Variants in STAG3 observed in about 807,000 individuals in gnomAD.
STAG3 encodes cohesin subunit SA-3.
A neutral mutation model predicts 160.7 loss-of-function variants in STAG3; 101 were observed. The observed-to-expected ratio is 0.63, with a 90% CI of 0.54 to 0.74. The LOEUF (loss-of-function observed/expected upper bound fraction) is 0.74, where lower values mean the gene tolerates loss of function less well. Among genes scored for constraint, STAG3 ranks in the 30% least tolerant of loss-of-function variants. The probability of loss-of-function intolerance (pLI) is 0.00; values close to 1 mark genes in which losing one functional copy is unlikely to be tolerated. For synonymous variants in STAG3, 519 were observed against 585.0 expected (o/e 0.89, Z 1.63); for missense variants, 1,188 against 1,517.4 (o/e 0.78, Z 3.61).
In STAG3 at chr7:100,195,327, G is replaced by C. The variant is rs1332852797; in HGVS notation, c.886G>C (p.Glu296Gln). The C allele has an allele frequency of 1.9e-6, 3 of 1,614,040 alleles. No homozygotes were observed. Among genetic ancestry groups the C allele is most frequent in the Non-Finnish European group, 2.5e-6 (3 of 1,180,010 alleles). ...CCTCCAGCTCCAAGAGCATCAAGAG[G>C]AGATTGAGGGGATGATGAATGCCCT... ...KRKELQEHQE[E>Q]IEGMMNALFR... The change falls in exon 9 of 34, where the codon GAG becomes CAG. Residue 296 changes from glutamate (E) to glutamine (Q), a missense_variant. Coordinates refer to ENST00000615138, the MANE Select transcript of STAG3 (RefSeq NM_001282717.2).
chr7:100,201,229 T>G, intron 20 of STAG3, 35 bp from the exon 21 acceptor site: 1 of 1,613,872 alleles, frequency 6.2e-7, no homozygotes. Flanking sequence ...CCCTCTGTTC[T>G]TTTCCAGTAT....
Position 100,186,433 on chromosome 7 carries a change from T to C in STAG3, c.433+137T>C, listed in dbSNP as rs557738663. 3.9e-4 allele frequency: 317 copies of C among 817,966 alleles called. 1 individual carries two copies. In the South Asian group the frequency reaches 5.2e-3, roughly 13 times the overall value. The allele number at this position is 817,966 out of a possible 1,614,324, so 50.7% of individuals were successfully genotyped here. A position where few individuals can be genotyped will look rare whatever the true frequency, so the allele number is the denominator to read the frequency against. ...TAAAGCATTAGAAAAATTTTACTTATTTAGGCCGGGCACTGTGACTCACAC... is the reference window on the plus strand; with the variant it reads ...TAAAGCATTAGAAAAATTTTACTTACTTAGGCCGGGCACTGTGACTCACAC... On this transcript the variant is annotated intron_variant, in intron 5 of 33. Coordinates refer to ENST00000615138, the MANE Select transcript of STAG3 (RefSeq NM_001282717.2).
At position 100,199,627 on chromosome 7, in the gene STAG3, C is replaced by A; in HGVS notation, c.1660C>A (p.Arg554=). The change falls in exon 16 of 34, where the codon CGG becomes AGG. Residue 554 remains arginine, a synonymous_variant. Coordinates refer to ENST00000615138, the MANE Select transcript of STAG3 (RefSeq NM_001282717.2). The part of the protein sequence containing the change: ...QASEGHPPVG[R]VTGRKGLTSK... ...TTCAGAGGGGCACCCGCCTGTGGGC[C>A]GGGTCACTGGGAGGAAGGTATGGTG... 1 of 1,597,702 alleles carries A rather than the reference C, an allele frequency of 6.3e-7. No homozygotes were observed. Among genetic ancestry groups the A allele is most frequent in the South Asian group, 1.1e-5 (1 of 87,654 alleles).
chr7:100,182,646 T>C (rs965371476), intron 3 of STAG3, 77 bp from the exon 4 acceptor site: 2 of 1,500,820 alleles, frequency 1.3e-6, no homozygotes, highest in African/African-American at 1.4e-5. Flanking sequence ...TGTGTGATAA[T>C]GATGAAACCA....
chr7:100,185,195 C>T (rs1036163259), intron 4 of STAG3, among the ~76,000 whole-genome samples: 1 of 152,178 alleles, frequency 6.6e-6, no homozygotes, highest in African/African-American at 2.4e-5. Context: ...TAGGCATGTG[C>T]CACCATGCCT....
intron 23 of STAG3, 47 bp downstream of exon 23, chr7:100,202,088 C>T: frequency 6.2e-7 from 1 of 1,611,076 alleles, no homozygotes. Context: ...ATCCCTGCCC[C>T]CATTCCAAGG....
At chr7:100,182,013 A>G in intron 2 of STAG3, 77 bp from the exon 3 acceptor site, 2 of 1,087,462 alleles carry the variant, frequency 1.8e-6, no homozygotes, top group Non-Finnish European at 2.8e-6. Context: ...TGAGAGACAG[A>G]GAAACCATAA....
downstream of STAG3, chr7:100,218,767 C>G (rs1439344271): frequency 3.6e-6 from 1 of 281,012 alleles, no homozygotes. Context: ...CACACATAGA[C>G]ATCGTGAGGT....
Position 100,189,662 on chromosome 7 carries a change from C to T in STAG3, c.867+66C>T, listed in dbSNP as rs1419186790. 6 of 1,545,454 alleles carry T rather than the reference C, an allele frequency of 3.9e-6. No individual in the cohort carries two copies. In the African/African-American group the frequency reaches 8.3e-5, roughly 21 times the overall value. ...CTTGCACCCACTTCTGCCACAGACC[C>T]CCTTATCAGGCCCTGGGCAGTCTTT... On this transcript the variant is annotated intron_variant, in intron 8 of 33. Transcript: ENST00000615138.
In STAG3 at chr7:100,207,899, G is replaced by A. The variant is rs1046776300; in HGVS notation, c.3238+2515G>A. ...TGGGAGGCCGAGGCGGGCGGATCAC[G>A]AGGTCAGGAGATTGAGACCATCCTG... On this transcript the variant is annotated intron_variant, in intron 29 of 33. Transcript: ENST00000615138. The surrounding 1 kb of genome is among the most constrained non-coding windows in gnomAD (Gnocchi z 4.0). Among the ~76,000 whole-genome samples the A allele has an allele frequency of 6.6e-6, 1 of 152,054 alleles. No homozygotes were observed.
intron 4 of STAG3, among the ~76,000 whole-genome samples, chr7:100,183,451 A>AT (rs1799781449): frequency 6.6e-6 from 1 of 152,122 alleles, no homozygotes; most frequent in Non-Finnish European, 1.5e-5. Context: ...CACCCATGTT[A>AT]TTTTTTAGCT....
chr7:100,200,455 C>T lies in STAG3; in HGVS notation c.1773C>T (p.Phe591=), dbSNP rs201134416. ...IPLLPQLLAK[F]SADAEKVTPL... The stretch of plus-strand genomic sequence containing the variant: ...GGCCTCCCTGTCAATCATCACAGTT[C>T]TCAGCTGATGCAGAGAAGGTCACTC... The change falls in exon 18 of 34, where the codon TTC becomes TTT. Residue 591 remains phenylalanine, a splice_region_variant and synonymous_variant. Transcript: ENST00000615138. 2 of 1,614,088 alleles carry T rather than the reference C, an allele frequency of 1.2e-6. No individual in the cohort carries two copies. The highest frequency in any genetic ancestry group is 1.7e-6 in the Non-Finnish European group (2 of 1,180,004).
Position 100,205,326 on chromosome 7 carries a change from G to A in STAG3, c.3180G>A (p.Glu1060=). The A allele has an allele frequency of 1.2e-6, 2 of 1,614,206 alleles. No homozygotes were observed. Among genetic ancestry groups the A allele is most frequent in the South Asian group, 1.1e-5 (1 of 91,084 alleles). The change falls in exon 29 of 34, where the codon GAG becomes GAA. Residue 1060 remains glutamate, a synonymous_variant. Coordinates refer to ENST00000615138, the MANE Select transcript of STAG3 (RefSeq NM_001282717.2). ...ACTGCCACTCCCTCAGCCCTGTGGA[G>A]AACACAGCAGAGACCAGCCCTCAGG... The part of the protein sequence containing the change: ...TTYCHSLSPV[E]NTAETSPQVL...
chr7:100,192,109 C>T (rs2117189548), intron 8 of STAG3, among the ~76,000 whole-genome samples: 1 of 152,366 alleles, frequency 6.6e-6, no homozygotes, highest in East Asian at 1.9e-4. Context: ...TAGTTTACTT[C>T]CTCTACTGAA....
rs375587167 is a variant in STAG3, at chr7:100,205,301, A to G, written c.3155A>G (p.Tyr1052Cys). The change falls in exon 29 of 34, where the codon TAC becomes TGC. Residue 1052 changes from tyrosine (Y) to cysteine (C), a missense_variant. By Grantham distance (194) the Tyr-to-Cys change is radical (BLOSUM62 -2). This residue lies in a region of STAG3 where 647 missense variants were observed against 717.2 expected (regional missense o/e 0.90). Coordinates refer to ENST00000615138, the MANE Select transcript of STAG3 (RefSeq NM_001282717.2). The part of the protein sequence containing the change: ...PGHPWGPVTT[Y>C]CHSLSPVENT... ...CATCCCTGGGGCCCAGTCACCACCT[A>G]CTGCCACTCCCTCAGCCCTGTGGAG... 16 of 1,613,924 alleles carry G rather than the reference A, an allele frequency of 9.9e-6. No individual in the cohort carries two copies. The highest frequency in any genetic ancestry group is 1.7e-5 in the Admixed American group (1 of 59,974).
chr7:100,198,453 C>T (rs762894932), intron 12 of STAG3, 22 bp from the exon 13 acceptor site: 81 of 1,612,902 alleles, frequency 5.0e-5, no homozygotes, highest in Non-Finnish European at 6.5e-5. Context: ...TTCACATACT[C>T]TTTCTGCTTT....
chr7:100,186,776 G>A (rs1460307110), intron 5 of STAG3, among the ~76,000 whole-genome samples: 1 of 152,162 alleles, frequency 6.6e-6, no homozygotes, highest in African/African-American at 2.4e-5. Flanking sequence ...TGGTTTAGAG[G>A]CAAGACACTT....
In STAG3 at chr7:100,214,001, T is replaced by C. The variant is rs1283801625; in HGVS notation, c.3673-6T>C. 6.2e-7 allele frequency: 1 copy of C among 1,614,146 alleles called. No individual in the cohort carries two copies. Among genetic ancestry groups the C allele is most frequent in the East Asian group, 2.2e-5 (1 of 44,884 alleles). ...CTGTGTATTCCTTTCATCTTTCTCATTATAGGATTTCTGACAGGACTCTGG... is the reference window on the plus strand; with the variant it reads ...CTGTGTATTCCTTTCATCTTTCTCACTATAGGATTTCTGACAGGACTCTGG... On this transcript the variant is annotated splice_region_variant and splice_polypyrimidine_tract_variant and intron_variant, in intron 33 of 33. Coordinates refer to ENST00000615138, the MANE Select transcript of STAG3 (RefSeq NM_001282717.2).
At chr7:100,191,385 C>T (rs550265404) in intron 8 of STAG3, among the ~76,000 whole-genome samples, 3 of 152,162 alleles carry the variant, frequency 2.0e-5, no homozygotes, top group Non-Finnish European at 4.4e-5. Flanking sequence ...GAAACATATA[C>T]GGGCATCATA....
Sources: allele counts gnomAD v4.1 joint callset (sites outside exome capture counted in the v4.1 genomes callset), GRCh38; gene constraint gnomAD v4.1.1; regional missense constraint gnomAD v4.1.1; non-coding constraint Gnocchi (gnomAD v3.1); transcripts MANE v1.5; gene names NCBI Gene and HGNC (gene_info 2026-07-23, HGNC 2026-07-21).